Variants in IL1RAPL2 observed in about 807,000 individuals in gnomAD.
IL1RAPL2 encodes the protein interleukin 1 receptor accessory protein like 2.
IL1RAPL2 carries 3 observed loss-of-function variants against 44.1 expected under a neutral mutation model. That is an observed-to-expected ratio of 0.07 (90% CI 0.03 to 0.18). IL1RAPL2 has a LOEUF of 0.18. Among genes scored for constraint, IL1RAPL2 ranks in the 10% least tolerant of loss-of-function variants. IL1RAPL2 has a pLI of 1.00. For synonymous variants in IL1RAPL2, 181 were observed against 178.8 expected, an observed-to-expected ratio of 1.01 and a Z score of -0.10; for missense variants, 391 against 496.4, an observed-to-expected ratio of 0.79 and a Z score of 2.02.
At chrX:104,822,719 G>C (rs1475562203) in intron 2 of IL1RAPL2, among the ~76,000 whole-genome samples, 1 of 112,037 alleles carries the variant, frequency 8.9e-6, no homozygotes. Flanking sequence ...TTTTTGCTTA[G>C]AATTGTCTTG....
At chrX:104,801,835 T>TA (rs1200734584) in intron 2 of IL1RAPL2, among the ~76,000 whole-genome samples, 2 of 111,685 alleles carry the variant, frequency 1.8e-5, no homozygotes, top group Non-Finnish European at 3.8e-5. Flanking sequence ...TATAGGGCAT[T>TA]AAAAAATGTA....
chrX:105,399,382 T>A (rs1001602299), intron 5 of IL1RAPL2, among the ~76,000 whole-genome samples: 3 of 111,393 alleles, frequency 2.7e-5, no homozygotes, highest in African/African-American at 9.8e-5. Flanking sequence ...TACCTATACC[T>A]CTCAAGCAGT....
At chrX:104,928,006 A>AT (rs1924813492) in intron 2 of IL1RAPL2, among the ~76,000 whole-genome samples, 1 of 111,481 alleles carries the variant, frequency 9.0e-6, no homozygotes, top group Non-Finnish European at 1.9e-5. Flanking sequence ...TCAACATTTA[A>AT]TTTTTTTATT....
intron 4 of IL1RAPL2, among the ~76,000 whole-genome samples, chrX:105,254,719 T>A (rs894193362): frequency 1.8e-5 from 2 of 111,977 alleles, no homozygotes; most frequent in African/African-American, 6.5e-5. Context: ...CCATTTTGAG[T>A]TAATTTTTGT....
chrX:104,772,475 C>G (rs1602720706), intron 2 of IL1RAPL2, among the ~76,000 whole-genome samples: 1 of 111,791 alleles, frequency 8.9e-6, no homozygotes, highest in South Asian at 3.7e-4. Flanking sequence ...AGACCTAAAG[C>G]CTTTATATAA....
At chrX:105,590,286 A>G (rs2037159022) in intron 6 of IL1RAPL2, among the ~76,000 whole-genome samples, 1 of 111,283 alleles carries the variant, frequency 9.0e-6, no homozygotes, top group Non-Finnish European at 1.9e-5. Context: ...GGCAGAGACC[A>G]TGTGGTTTTC....
At chrX:104,855,681 G>GTTTTTTTTTTTTTTTTT (rs1556002120) in intron 2 of IL1RAPL2, among the ~76,000 whole-genome samples, 11 of 53,865 alleles carry the variant, frequency 2.0e-4, no homozygotes, top group African/African-American at 6.7e-4. Flanking sequence ...ATCTGGATCC[G>GTTTTTTTTTTTTTTTTT]TTTTTTTTTT....
chrX:104,955,949 A>G (rs185341191), intron 2 of IL1RAPL2, among the ~76,000 whole-genome samples: 70 of 112,369 alleles, frequency 6.2e-4, no homozygotes, highest in African/African-American at 2.1e-3. Context: ...TTGTTTTGAA[A>G]TGTACCCAAA....
rs182905497 is a variant in IL1RAPL2, at chrX:105,298,876, A to G, written c.697+31335A>G. The stretch of plus-strand genomic sequence containing the variant: ...CTCTAGCAAATGCTGCTGAGTTTGA[A>G]TAAGTGGAAGACTAGGAATAGATCA... On this transcript the variant is annotated intron_variant, in intron 5 of 10. Coordinates refer to ENST00000372582, the MANE Select transcript of IL1RAPL2 (RefSeq NM_017416.2). Among the ~76,000 whole-genome samples, 6 of 111,729 alleles carry G rather than the reference A, an allele frequency of 5.4e-5. No homozygotes were observed. The East Asian group carries it at 1.7e-3, about 32-fold the overall frequency.
intron 2 of IL1RAPL2, among the ~76,000 whole-genome samples, chrX:104,771,958 A>G (rs890525313): frequency 1.8e-5 from 2 of 112,098 alleles, no homozygotes; most frequent in Non-Finnish European, 3.8e-5. Flanking sequence ...TCTATACTCT[A>G]TGGATGTCCT....
chrX:104,634,958 C>G (rs1490577623), intron 1 of IL1RAPL2, among the ~76,000 whole-genome samples: 1 of 111,489 alleles, frequency 9.0e-6, no homozygotes, highest in Non-Finnish European at 1.9e-5. Flanking sequence ...TACAATTTGG[C>G]ATGTTTTTGC....
At chrX:105,567,415 G>A (rs1357284637) in intron 6 of IL1RAPL2, among the ~76,000 whole-genome samples, 1 of 111,845 alleles carries the variant, frequency 8.9e-6, no homozygotes, top group Non-Finnish European at 1.9e-5. Context: ...GTACACATAT[G>A]TTAATTGCTA....
At chrX:105,014,362 G>A (rs904966830) in intron 2 of IL1RAPL2, among the ~76,000 whole-genome samples, 1 of 110,540 alleles carries the variant, frequency 9.0e-6, no homozygotes, top group Non-Finnish European at 1.9e-5. Flanking sequence ...TGTGCAGAAC[G>A]TTGAGGTTTG....
At chrX:105,225,055 A>C (rs187600075) in intron 3 of IL1RAPL2, among the ~76,000 whole-genome samples, 1 of 111,837 alleles carries the variant, frequency 8.9e-6, no homozygotes, top group East Asian at 2.8e-4. Flanking sequence ...CCACATCCTC[A>C]ATCATTGGTA....
chrX:104,841,519 C>G (rs1407680042), intron 2 of IL1RAPL2, among the ~76,000 whole-genome samples: 1 of 111,733 alleles, frequency 8.9e-6, no homozygotes, highest in African/African-American at 3.3e-5. Context: ...TTTGCAGTGG[C>G]TGTTATTGGT....
At chrX:105,567,461 A>G (rs2036982909) in intron 6 of IL1RAPL2, among the ~76,000 whole-genome samples, 1 of 112,057 alleles carries the variant, frequency 8.9e-6, no homozygotes, top group Non-Finnish European at 1.9e-5. Context: ...AATAATTTTA[A>G]TGAATGATTA....
At chrX:105,724,505 C>G (rs1389519944) in intron 7 of IL1RAPL2, among the ~76,000 whole-genome samples, 1 of 110,809 alleles carries the variant, frequency 9.0e-6, no homozygotes, top group Non-Finnish European at 1.9e-5. Flanking sequence ...GCACAGTTCT[C>G]CCATGCCTCT....
intron 1 of IL1RAPL2, chrX:104,647,773 T>C: frequency 5.6e-6 from 3 of 538,277 alleles, no homozygotes; most frequent in Non-Finnish European, 1.0e-5. Context: ...TGATGACTGG[T>C]ACATTAAGTG....
intron 2 of IL1RAPL2, among the ~76,000 whole-genome samples, chrX:104,882,887 G>C (rs1213919904): frequency 9.0e-6 from 1 of 111,374 alleles, no homozygotes; most frequent in Non-Finnish European, 1.9e-5. Flanking sequence ...AAACCCACTG[G>C]GAGGAACAAA....
Sources: allele counts gnomAD v4.1 joint callset (sites outside exome capture counted in the v4.1 genomes callset), GRCh38; gene constraint gnomAD v4.1.1; transcripts MANE v1.5; gene names NCBI Gene and HGNC (gene_info 2026-07-23, HGNC 2026-07-21).